The following KIFAP3 variants were observed in gnomAD, a reference collection of about 807,000 sequenced individuals.
KIFAP3 encodes the protein kinesin-associated protein 3.
KIFAP3 carries 68 observed loss-of-function variants against 106.5 expected under a neutral mutation model. That is an observed-to-expected ratio of 0.64 (90% confidence interval 0.53 to 0.78). KIFAP3 has a LOEUF of 0.78. KIFAP3 is among the 30% of genes least tolerant of loss of function. The probability of loss-of-function intolerance (pLI) is 0.00; values close to 1 mark genes in which losing one functional copy is unlikely to be tolerated. For synonymous variants in KIFAP3, 320 were observed against 311.5 expected (o/e 1.03, Z -0.29); for missense variants, 780 against 941.8 (o/e 0.83, Z 2.25).
At chr1:170,043,909 T>C (rs951627067) in intron 3 of KIFAP3, among the ~76,000 whole-genome samples, 1 of 152,278 alleles carries the variant, frequency 6.6e-6, no homozygotes, top group South Asian at 2.1e-4. Flanking sequence ...CTTACCCCAA[T>C]TGGAGACATC....
intron 18 of KIFAP3, among the ~76,000 whole-genome samples, chr1:169,956,623 T>G (rs1665027110): frequency 6.6e-6 from 1 of 150,516 alleles, no homozygotes; most frequent in South Asian, 2.1e-4. Context: ...TTTTTTTTTT[T>G]TTTTTTTTAG....
chr1:170,030,248 TTAA>T (rs1480432069), intron 8 of KIFAP3, among the ~76,000 whole-genome samples: 2 of 151,896 alleles, frequency 1.3e-5, no homozygotes, highest in Non-Finnish European at 3.0e-5. Flanking sequence ...ACTATCCAAT[TTAA>T]TAATAAGGCA....
intron 17 of KIFAP3, among the ~76,000 whole-genome samples, chr1:169,961,700 T>C (rs998515385): frequency 6.6e-6 from 1 of 152,148 alleles, no homozygotes; most frequent in Non-Finnish European, 1.5e-5. Context: ...GCCTACTCAA[T>C]GTGAAGACAA....
At chr1:170,060,436 T>C (rs1365078002) in intron 1 of KIFAP3, among the ~76,000 whole-genome samples, 3 of 152,084 alleles carry the variant, frequency 2.0e-5, no homozygotes, top group Non-Finnish European at 4.4e-5. Context: ...ATAAAATACC[T>C]AGGAATCCAA....
chr1:169,947,072 A>T (rs1227312703), intron 19 of KIFAP3, among the ~76,000 whole-genome samples: 1 of 151,950 alleles, frequency 6.6e-6, no homozygotes, highest in East Asian at 1.9e-4. Context: ...GTCATATAGT[A>T]CTATTTCTTA....
intron 19 of KIFAP3, among the ~76,000 whole-genome samples, chr1:169,940,957 A>G (rs2101809939): frequency 6.7e-6 from 1 of 150,264 alleles, no homozygotes; most frequent in African/African-American, 2.4e-5. Flanking sequence ...GTGTGTGTTT[A>G]AAGACAACAA....
chr1:170,043,147 TTTTA>T (rs1670068814), intron 3 of KIFAP3, among the ~76,000 whole-genome samples: 1 of 152,182 alleles, frequency 6.6e-6, no homozygotes, highest in Admixed American at 6.5e-5. Flanking sequence ...TCCTCCATCC[TTTTA>T]TTTTATAGAT....
intron 19 of KIFAP3, among the ~76,000 whole-genome samples, chr1:169,937,124 TAAA>T (rs1558177392): frequency 6.6e-6 from 1 of 151,350 alleles, no homozygotes; most frequent in African/African-American, 2.4e-5. Context: ...GAAAGAATAA[TAAA>T]GAGAATGCTT....
intron 19 of KIFAP3, 24 bp downstream of exon 19, chr1:169,953,987 G>C: frequency 6.5e-7 from 1 of 1,530,514 alleles, no homozygotes; most frequent in African/African-American, 1.4e-5. Context: ...CTACACATTA[G>C]ATTTTTCTTG....
intron 11 of KIFAP3, among the ~76,000 whole-genome samples, chr1:169,985,719 G>A (rs2101917862): frequency 6.6e-6 from 1 of 151,870 alleles, no homozygotes; most frequent in South Asian, 2.1e-4. Flanking sequence ...TGAAGCTGCA[G>A]GCTAAATCCA....
intron 14 of KIFAP3, 84 bp downstream of exon 14, chr1:169,982,618 C>G (rs1666583512): frequency 5.5e-6 from 5 of 901,602 alleles, no homozygotes; most frequent in Non-Finnish European, 8.0e-6. Context: ...TAATAATAGT[C>G]ACACAATACT....
intron 18 of KIFAP3, among the ~76,000 whole-genome samples, chr1:169,958,892 C>T (rs1326494980): frequency 1.3e-5 from 2 of 151,912 alleles, no homozygotes; most frequent in Non-Finnish European, 2.9e-5. Context: ...AAAGGAGATG[C>T]TAGTTTTGTA....
In KIFAP3 at chr1:169,982,608, T is replaced by C. The variant is rs1034864514; in HGVS notation, c.1672+94A>G. ...TGAGAAGAAATGGCTTTTCCTAACA[T>C]AATAATAGTCACACAATACTGCTCT... On this transcript the variant is annotated intron_variant, in intron 14 of 19. Transcript: ENST00000361580. 7 of 828,738 alleles carry C rather than the reference T, an allele frequency of 8.4e-6. No individual in the cohort carries two copies. In the African/African-American group the frequency reaches 1.2e-4, roughly 15 times the overall value. 51.3% of individuals were successfully genotyped at this position (828,738 alleles called of 1,614,324 possible). A position where few individuals can be genotyped will look rare whatever the true frequency, so the allele number is the denominator to read the frequency against.
intron 1 of KIFAP3, among the ~76,000 whole-genome samples, chr1:170,062,318 C>G (rs757142577): frequency 2.0e-4 from 30 of 150,258 alleles, no homozygotes; most frequent in Non-Finnish European, 4.0e-4. Context: ...TTGCTTAACA[C>G]CTTGATATTC....
intron 2 of KIFAP3, among the ~76,000 whole-genome samples, chr1:170,047,482 G>A (rs960541026): frequency 1.3e-5 from 2 of 151,862 alleles, no homozygotes; most frequent in South Asian, 2.1e-4. Flanking sequence ...TTTGCCAGGT[G>A]TGGTGGTGCG....
intron 2 of KIFAP3, among the ~76,000 whole-genome samples, chr1:170,051,535 A>G (rs1449705528): frequency 6.6e-6 from 1 of 152,244 alleles, no homozygotes; most frequent in Non-Finnish European, 1.5e-5. Context: ...AATAAACAGA[A>G]TATACATTTT....
At chr1:169,938,708 G>C (rs1437958535) in intron 19 of KIFAP3, among the ~76,000 whole-genome samples, 2 of 152,034 alleles carry the variant, frequency 1.3e-5, no homozygotes, top group African/African-American at 4.8e-5. Context: ...ATAAACAAGT[G>C]AACAAAAATT....
intron 19 of KIFAP3, among the ~76,000 whole-genome samples, chr1:169,946,954 T>C (rs1664473364): frequency 6.6e-6 from 1 of 151,926 alleles, no homozygotes; most frequent in African/African-American, 2.4e-5. Context: ...CCTCATTAAT[T>C]AGAACTATGT....
chr1:169,974,830 A>C (rs1353923508), intron 16 of KIFAP3, among the ~76,000 whole-genome samples: 2 of 151,896 alleles, frequency 1.3e-5, no homozygotes, highest in Non-Finnish European at 1.5e-5. Context: ...TAAAATTCTC[A>C]AGGGGAATCT....
Sources: gnomAD v4.1 joint callset for allele counts (sites outside exome capture counted in the v4.1 genomes callset) on GRCh38, gnomAD v4.1.1 for gene constraint, MANE v1.5 for transcripts, NCBI Gene and HGNC (gene_info 2026-07-23, HGNC 2026-07-21) for gene names.